The following ZHX1 variants were observed in gnomAD, a reference collection of about 807,000 sequenced individuals.
The protein encoded by ZHX1 is zinc fingers and homeoboxes 1, also known as zinc fingers and homeoboxes protein 1.
Under a neutral mutation model 61.8 loss-of-function variants are expected in ZHX1, and 20 were observed. The observed-to-expected ratio is 0.32, with a 90% CI of 0.23 to 0.47. The LOEUF is 0.47. Ranked by LOEUF, ZHX1 falls within the 20% of genes least tolerant of loss-of-function variation. ZHX1 has a pLI of 1.00. For missense variants in ZHX1, 800 were observed against 1,034.8 expected (o/e 0.77, Z 3.11); for synonymous variants, 318 against 352.6 (o/e 0.90, Z 1.10).
intron 1 of ZHX1, among the ~76,000 whole-genome samples, chr8:123,269,321 C>T (rs1278880290): frequency 6.6e-6 from 1 of 152,134 alleles, no homozygotes; most frequent in Non-Finnish European, 1.5e-5. Context: ...TGTAAAGGCA[C>T]CAGGATACCA....
At position 123,255,658 on chromosome 8, in the gene ZHX1, C is replaced by T; in HGVS notation, c.289G>A (p.Val97Met). ...FHVDSEHPNV[V>M]LNSSYVCVEC... is the part of the protein sequence containing the mutation. The stretch of plus-strand genomic sequence containing the variant: ...ACACAAACATAGGATGAATTTAGCA[C>T]TACATTGGGATGTTCCGAATCCACA... The change falls in exon 3 of 4, where the codon GTG becomes ATG. Residue 97 changes from valine (V) to methionine (M), a missense_variant. By Grantham distance (21) the Val-to-Met change is conservative (BLOSUM62 1). Coordinates refer to ENST00000395571, the MANE Select transcript of ZHX1 (RefSeq NM_007222.5). 6.2e-7 allele frequency: 1 copy of T among 1,613,792 alleles called. No individual in the cohort carries two copies. The highest frequency in any genetic ancestry group is 2.2e-5 in the East Asian group (1 of 44,888).
At chr8:123,266,047 C>T (rs1013888451) in intron 2 of ZHX1, among the ~76,000 whole-genome samples, 2 of 152,158 alleles carry the variant, frequency 1.3e-5, no homozygotes, top group Non-Finnish European at 2.9e-5. Context: ...TGAAAGGTCT[C>T]TCCCTAGGAC....
rs755352498 is a variant in ZHX1, at chr8:123,255,632, G to A, written c.315C>T (p.Val105=). 16 of 1,613,394 alleles carry A rather than the reference G, an allele frequency of 9.9e-6. No individual in the cohort carries two copies. The Middle Eastern group carries it at 9.9e-4, about 99-fold the overall frequency. ...ACCTTTTGGTAAGAAAATTGCATTC[G>A]ACACAAACATAGGATGAATTTAGCA... ...NVVLNSSYVC[V]ECNFLTKRYD... Residue 105 remains valine (V), a synonymous_variant, in exon 3 of 4, where the codon GTC becomes GTT. Transcript: ENST00000395571.
At chr8:123,275,535 ATT>A (rs111576456), upstream of ZHX1, 30 of 143,628 alleles carry the variant, frequency 2.1e-4, no homozygotes, top group African/African-American at 3.5e-4. Flanking sequence ...TGGAAGTCTG[ATT>A]TTTTTTTTTT....
At chr8:123,265,454 C>T (rs2131216446) in intron 2 of ZHX1, among the ~76,000 whole-genome samples, 1 of 151,862 alleles carries the variant, frequency 6.6e-6, no homozygotes, top group African/African-American at 2.4e-5. Flanking sequence ...TACAAATCCA[C>T]AAAAATCACG....
Position 123,249,360 on chromosome 8 carries a change from G to A in ZHX1, c.*964C>T, listed in dbSNP as rs1447311991. 2.0e-5 allele frequency: 3 copies of A among 152,072 alleles called. No homozygotes were observed. Among genetic ancestry groups the A allele is most frequent in the Non-Finnish European group, 1.5e-5 (1 of 67,982 alleles). 9.4% of individuals were successfully genotyped at this position (152,072 alleles called of 1,614,324 possible). On this transcript the variant is annotated 3_prime_UTR_variant, in exon 4 of 4. Coordinates refer to ENST00000395571, the MANE Select transcript of ZHX1 (RefSeq NM_007222.5). ...GAAAAGCTAACTTTTAACTCATTATGATCAGTTCAGAATTTTTTCTCTATT... is the reference window on the plus strand; with the variant it reads ...GAAAAGCTAACTTTTAACTCATTATAATCAGTTCAGAATTTTTTCTCTATT...
chr8:123,251,231 T>G (rs1320067097), intron 3 of ZHX1, among the ~76,000 whole-genome samples: 4 of 152,192 alleles, frequency 2.6e-5, no homozygotes, highest in Non-Finnish European at 4.4e-5. Context: ...TTCTTCCCCT[T>G]CGCCTTCTGC....
chr8:123,263,702 T>C (rs1230241822), intron 2 of ZHX1, among the ~76,000 whole-genome samples: 2 of 152,026 alleles, frequency 1.3e-5, no homozygotes, highest in Admixed American at 6.6e-5. Context: ...AGTGTGGTGA[T>C]GGGTGCCTGT....
chr8:123,267,870 G>A (rs931230626), intron 1 of ZHX1, among the ~76,000 whole-genome samples: 11 of 152,208 alleles, frequency 7.2e-5, no homozygotes, highest in Admixed American at 1.3e-4. Flanking sequence ...GCGTGGTGGC[G>A]CATGCCTGTA....
In ZHX1 at chr8:123,267,292, A is replaced by T. The variant is rs1322637833; in HGVS notation, c.-245T>A. The T allele has an allele frequency of 6.5e-7, 1 of 1,531,290 alleles. No homozygotes were observed. Among genetic ancestry groups the T allele is most frequent in the South Asian group, 1.2e-5 (1 of 83,452 alleles). The allele number at this position is 1,531,290 out of a possible 1,614,324, so 94.9% of individuals were successfully genotyped here. On this transcript the variant is annotated 5_prime_UTR_variant, in exon 2 of 4. An upstream start codon of the reference 5' UTR is lost. Transcript: ENST00000395571. ...ACATACTTGCCACAGCTTCCTTAGC[A>T]TTCTGTTCTTTGAAATGGAAGGGTA... is the stretch of plus-strand genomic sequence containing the variant.
chr8:123,267,583 A>G (rs535954095), intron 1 of ZHX1, among the ~76,000 whole-genome samples, 197 bp from the exon 2 acceptor site: 2 of 152,372 alleles, frequency 1.3e-5, no homozygotes, highest in East Asian at 3.9e-4. Context: ...CACATTAAAA[A>G]AACTCTATTT....
intron 1 of ZHX1, among the ~76,000 whole-genome samples, chr8:123,267,761 G>A (rs745891675): frequency 2.6e-5 from 4 of 152,164 alleles, no homozygotes; most frequent in Admixed American, 1.3e-4. Flanking sequence ...CAGCACTTCG[G>A]GAGGCCAAGG....
chr8:123,267,349 T>C lies in ZHX1; in HGVS notation c.-302A>G. ...CTAGTTAGATGTTTAGCTCAGGCCATCATTACCAACAGGTCCAAAGCAGCA... is the reference window on the plus strand; with the variant it reads ...CTAGTTAGATGTTTAGCTCAGGCCACCATTACCAACAGGTCCAAAGCAGCA... On this transcript the variant is annotated 5_prime_UTR_variant, in exon 2 of 4. The change abolishes an upstream ATG in the 5' untranslated region. Coordinates refer to ENST00000395571, the MANE Select transcript of ZHX1 (RefSeq NM_007222.5). 1 of 1,444,608 alleles carries C rather than the reference T, an allele frequency of 6.9e-7. No individual in the cohort carries two copies. Among genetic ancestry groups the C allele is most frequent in the South Asian group, 1.3e-5 (1 of 76,750 alleles). 89.5% of individuals were successfully genotyped at this position (1,444,608 alleles called of 1,614,324 possible). A position where few individuals can be genotyped will look rare whatever the true frequency, so the allele number is the denominator to read the frequency against.
chr8:123,270,687 G>A (rs1454417606), intron 1 of ZHX1, among the ~76,000 whole-genome samples: 1 of 151,152 alleles, frequency 6.6e-6, no homozygotes, highest in African/African-American at 2.4e-5. Context: ...TCAAGAGGCT[G>A]AGGAGAAAGG....
chr8:123,260,393 GT>G (rs1196362215), intron 2 of ZHX1, among the ~76,000 whole-genome samples: 1 of 151,892 alleles, frequency 6.6e-6, no homozygotes, highest in African/African-American at 2.4e-5. Flanking sequence ...GAGGTCGGGA[GT>G]TTGAGACCAG....
chr8:123,259,650 T>C (rs921133596), intron 2 of ZHX1, among the ~76,000 whole-genome samples: 1 of 152,218 alleles, frequency 6.6e-6, no homozygotes, highest in African/African-American at 2.4e-5. Flanking sequence ...AAGGGAATTG[T>C]TGAAAGGCAG....
chr8:123,271,283 T>C (rs1247094939), intron 1 of ZHX1, among the ~76,000 whole-genome samples: 3 of 152,202 alleles, frequency 2.0e-5, no homozygotes, highest in Non-Finnish European at 2.9e-5. Flanking sequence ...GTTCAAAAAA[T>C]TTAGTCTTAA....
At chr8:123,250,367 A>G (rs1037330752) in intron 3 of ZHX1, 47 bp from the exon 4 acceptor site, 32 of 372,310 alleles carry the variant, frequency 8.6e-5, no homozygotes, top group Non-Finnish European at 1.3e-4. Flanking sequence ...AAAGAAAACC[A>G]TATTTTAATT....
At chr8:123,265,793 G>A (rs1826437641) in intron 2 of ZHX1, among the ~76,000 whole-genome samples, 1 of 152,094 alleles carries the variant, frequency 6.6e-6, no homozygotes, top group Non-Finnish European at 1.5e-5. Context: ...TATACAAACA[G>A]GAATAAAAAT....
Sources: gnomAD v4.1 joint callset for allele counts (sites outside exome capture counted in the v4.1 genomes callset) on GRCh38, gnomAD v4.1.1 for gene constraint, MANE v1.5 for transcripts, NCBI Gene and HGNC (gene_info 2026-07-23, HGNC 2026-07-21) for gene names.